The following RFC3 variants were observed in gnomAD, a reference collection of about 807,000 sequenced individuals.
The protein encoded by RFC3 is A1 38 kDa subunit.
Under a neutral mutation model 45.1 loss-of-function variants are expected in RFC3, and 41 were observed. The ratio of observed to expected loss-of-function variants is 0.91; its 90% CI spans 0.71 to 1.18. RFC3 has a LOEUF of 1.18. RFC3 is among the 50% of genes most tolerant of loss of function. The pLI is 0.00. For missense variants in RFC3, 423 were observed against 428.1 expected (o/e 0.99, Z 0.10); for synonymous variants, 149 against 144.0 (o/e 1.03, Z -0.25).
chr13:33,965,589 T>G (rs2083083284), intron 8 of RFC3, among the ~76,000 whole-genome samples: 1 of 152,186 alleles, frequency 6.6e-6, no homozygotes, highest in South Asian at 2.1e-4. Context: ...ACACGGGTAT[T>G]GTGAGATTTA....
chr13:33,910,133 A>T (rs571154476), intron 8 of RFC3, among the ~76,000 whole-genome samples: 6 of 152,034 alleles, frequency 3.9e-5, no homozygotes, highest in Non-Finnish European at 7.4e-5. Context: ...TCACTTGTTT[A>T]TTCATTCAAC....
At chr13:33,968,316 C>T (rs184170783), downstream of RFC3, among the ~76,000 whole-genome samples, 2 of 152,140 alleles carry the variant, frequency 1.3e-5, no homozygotes, top group African/African-American at 2.4e-5. Context: ...TTCGTAGAGA[C>T]GAGGTTTCAC....
chr13:33,953,316 T>A (rs1394135690), intron 8 of RFC3, among the ~76,000 whole-genome samples: 3 of 107,104 alleles, frequency 2.8e-5, no homozygotes, highest in African/African-American at 1.1e-4. Context: ...GAGTGTGGTG[T>A]TGCTCTTTAA....
intron 8 of RFC3, among the ~76,000 whole-genome samples, chr13:33,873,912 C>A (rs1036772542): frequency 5.9e-5 from 9 of 152,124 alleles, no homozygotes; most frequent in Non-Finnish European, 1.3e-4. Flanking sequence ...TTTAAATAGT[C>A]TAAGATTCTG....
chr13:33,862,259 T>TTG (rs2082345584), intron 8 of RFC3, among the ~76,000 whole-genome samples: 2 of 151,680 alleles, frequency 1.3e-5, no homozygotes, highest in Non-Finnish European at 2.9e-5. Flanking sequence ...AGCAAAGTTT[T>TTG]TTTTTTTTTT....
At chr13:33,852,399 C>G (rs1404937900) in intron 8 of RFC3, among the ~76,000 whole-genome samples, 4 of 152,144 alleles carry the variant, frequency 2.6e-5, no homozygotes, top group African/African-American at 9.7e-5. Context: ...GCACTGCCCC[C>G]ACCTAAAACC....
At chr13:33,930,676 C>T (rs1052919693) in intron 8 of RFC3, among the ~76,000 whole-genome samples, 10 of 152,112 alleles carry the variant, frequency 6.6e-5, no homozygotes, top group Admixed American at 5.2e-4. Context: ...CATCACATAG[C>T]TCTTTTAATC....
rs188041341 is a variant in RFC3, at chr13:33,853,337, A to C, written c.879+18120A>C. ...AGATGTGCATTAGACTTTATTAATT[A>C]GGAAATAAGAGATATGAACTCTTAT... is the stretch of plus-strand genomic sequence containing the variant. On this transcript the variant is annotated intron_variant, in intron 8 of 8. Transcript: ENST00000434425. Among the ~76,000 whole-genome samples the C allele has an allele frequency of 9.8e-4, 150 of 152,308 alleles. 1 individual carries two copies. The highest frequency in any genetic ancestry group is 1.6e-3 in the Non-Finnish European group (111 of 68,020).
intron 8 of RFC3, among the ~76,000 whole-genome samples, chr13:33,925,356 AGTGTACTATATACATACATATAG>A (rs2082801098): frequency 8.0e-6 from 1 of 124,536 alleles, no homozygotes; most frequent in Non-Finnish European, 1.6e-5. Context: ...ATACATATAT[AGTGTACTATATACATACATATAG>A]TGTACTATAT....
intron 8 of RFC3, among the ~76,000 whole-genome samples, chr13:33,930,695 T>C (rs995701838): frequency 1.3e-5 from 2 of 152,150 alleles, no homozygotes; most frequent in Admixed American, 6.6e-5. Flanking sequence ...TCTCCTCTTC[T>C]GTGAATTGTC....
At chr13:33,830,925 G>C in intron 6 of RFC3, 70 bp downstream of exon 6, 1 of 1,404,314 alleles carries the variant, frequency 7.1e-7, no homozygotes, top group South Asian at 1.3e-5. Flanking sequence ...GACCAGTTTT[G>C]TGGAAGACAA....
At chr13:33,880,509 G>A (rs1410143699) in intron 8 of RFC3, among the ~76,000 whole-genome samples, 2 of 152,134 alleles carry the variant, frequency 1.3e-5, no homozygotes, top group Non-Finnish European at 2.9e-5. Context: ...TAACTGCACA[G>A]TCCAATAAGG....
intron 8 of RFC3, among the ~76,000 whole-genome samples, chr13:33,864,974 CGATT>C (rs1311001418): frequency 6.6e-6 from 1 of 151,766 alleles, no homozygotes; most frequent in Non-Finnish European, 1.5e-5. Flanking sequence ...TGAAAATAAT[CGATT>C]GATTGTAGCT....
At chr13:33,915,515 A>G (rs2082727489) in intron 8 of RFC3, among the ~76,000 whole-genome samples, 2 of 152,170 alleles carry the variant, frequency 1.3e-5, no homozygotes, top group South Asian at 4.1e-4. Flanking sequence ...CTAGCAATGA[A>G]GAAGGAAAAT....
At chr13:33,827,090 A>T (rs2082056414) in intron 4 of RFC3, among the ~76,000 whole-genome samples, 1 of 152,078 alleles carries the variant, frequency 6.6e-6, no homozygotes, top group Non-Finnish European at 1.5e-5. Flanking sequence ...ATTTTTCTTT[A>T]GTTCATTAAT....
chr13:33,895,950 T>A (rs1374291553), intron 8 of RFC3, among the ~76,000 whole-genome samples: 1 of 152,140 alleles, frequency 6.6e-6, no homozygotes, highest in East Asian at 1.9e-4. Context: ...AATTTGGAAC[T>A]AACCTATGGG....
intron 8 of RFC3, among the ~76,000 whole-genome samples, chr13:33,886,493 C>T (rs906495716): frequency 2.0e-5 from 3 of 150,808 alleles, no homozygotes; most frequent in Non-Finnish European, 3.0e-5. Context: ...TTGCAGTGAG[C>T]CACTGCACTC....
chr13:33,855,626 T>C (rs184622892), intron 8 of RFC3, among the ~76,000 whole-genome samples: 1 of 152,336 alleles, frequency 6.6e-6, no homozygotes, highest in Non-Finnish European at 1.5e-5. Context: ...CTCTGCAACC[T>C]TGCCAGCACT....
chr13:33,893,222 G>A (rs2137640365), intron 8 of RFC3, among the ~76,000 whole-genome samples: 1 of 152,190 alleles, frequency 6.6e-6, no homozygotes, highest in Non-Finnish European at 1.5e-5. Flanking sequence ...TGAACCCTTA[G>A]CCAGCCTTCC....
Sources: gnomAD v4.1 joint callset for allele counts (sites outside exome capture counted in the v4.1 genomes callset) on GRCh38, gnomAD v4.1.1 for gene constraint, MANE v1.5 for transcripts, NCBI Gene and HGNC (gene_info 2026-07-23, HGNC 2026-07-21) for gene names.